ZNF324: variants seen among roughly 807,000 people sequenced by gnomAD.
ZNF324 encodes the protein zinc finger protein 324A.
Under a neutral mutation model 10.3 loss-of-function variants are expected in ZNF324, and 3 were observed. That is an observed-to-expected ratio of 0.29 (90% confidence interval 0.13 to 0.75). The LOEUF (loss-of-function observed/expected upper bound fraction) is 0.75, where lower values mean the gene tolerates loss of function less well. ZNF324 is among the 30% of genes least tolerant of loss of function. ZNF324 has a pLI of 0.69. For synonymous variants in ZNF324, 430 were observed against 339.5 expected (o/e 1.27, Z -2.93); for missense variants, 763 against 784.4 (o/e 0.97, Z 0.33).
At chr19:58,469,049 A>G in intron 1 of ZNF324, 131 bp from the exon 2 acceptor site, 16 of 1,068,836 alleles carry the variant, frequency 1.5e-5, no homozygotes. Context: ...TTAGCTCATC[A>G]GCTGTTATTA....
chr19:58,470,382 GGGGACA>G (rs2053017709), intron 3 of ZNF324: 1 of 413,784 alleles, frequency 2.4e-6, no homozygotes, highest in South Asian at 2.1e-5. Context: ...GCCTGAGAAG[GGGGACA>G]GGGGCGGGGG....
rs758834642 is a variant in ZNF324, at chr19:58,471,852, C to T, written c.1360C>T (p.Arg454Cys). 6 of 1,612,646 alleles carry T rather than the reference C, an allele frequency of 3.7e-6. No individual in the cohort carries two copies. Among genetic ancestry groups the T allele is most frequent in the East Asian group, 2.2e-5 (1 of 44,882 alleles). Reference sequence around the variant, plus strand: ...CCTGCACACGGGCGAGCGGCCCTTCCGCTGCGTGGACTGTGGCAAGGCCTT... The same window carrying T: ...CCTGCACACGGGCGAGCGGCCCTTCTGCTGCGTGGACTGTGGCAAGGCCTT... ...QLLHTGERPF[R>C]CVDCGKAFAK... Residue 454 changes from arginine (R) to cysteine (C), a missense_variant, in exon 4 of 4, where the codon CGC becomes TGC. By Grantham distance (180) the Arg-to-Cys change is radical. Coordinates refer to ENST00000196482, the MANE Select transcript of ZNF324 (RefSeq NM_014347.3).
rs1440695406 is a variant in ZNF324, at chr19:58,474,950, G to C, written c.*2796G>C. 6.6e-6 allele frequency: 1 copy of C among 152,254 alleles called. No individual in the cohort carries two copies. 9.4% of individuals were successfully genotyped at this position (152,254 alleles called of 1,614,324 possible). A position where few individuals can be genotyped will look rare whatever the true frequency, so the allele number is the denominator to read the frequency against. ...CAGAAGGCTGAGAACCAGCAGCCCA[G>C]AGACGGGAGACCTATATCAAAGCTG... On this transcript the variant is annotated 3_prime_UTR_variant, in exon 4 of 4. Coordinates refer to ENST00000196482, the MANE Select transcript of ZNF324 (RefSeq NM_014347.3).
intron 2 of ZNF324, 146 bp from the exon 3 acceptor site, chr19:58,469,582 G>A: frequency 1.3e-6 from 1 of 756,552 alleles, no homozygotes; most frequent in Admixed American, 2.3e-5. Context: ...CTATTCCTGT[G>A]AGCCCCTTGC....
rs2053067302 is a variant in ZNF324 at position 58,474,833 on chromosome 19, G to A, written c.*2679G>A. On this transcript the variant is annotated 3_prime_UTR_variant, in exon 4 of 4. Transcript: ENST00000196482. ...CAATGGCATTCCTAAGCTAGAAGTG[G>A]GTGAGAGCTGTCACTAAGTTAGGGA... is the stretch of plus-strand genomic sequence containing the variant. 6.6e-6 allele frequency: 1 copy of A among 152,292 alleles called. No individual in the cohort carries two copies. Among genetic ancestry groups the A allele is most frequent in the African/African-American group, 2.4e-5 (1 of 41,402 alleles). The allele number at this position is 152,292 out of a possible 1,614,324, so 9.4% of individuals were successfully genotyped here. A position where few individuals can be genotyped will look rare whatever the true frequency, so the allele number is the denominator to read the frequency against.
intron 3 of ZNF324, 104 bp from the exon 4 acceptor site, chr19:58,470,627 G>C (rs1480610215): frequency 2.1e-6 from 3 of 1,452,818 alleles, no homozygotes; most frequent in Admixed American, 1.7e-5. Context: ...TTTCCCCTAA[G>C]CTTTTGTGCC....
At chr19:58,468,316 A>G in intron 1 of ZNF324, 2 of 891,772 alleles carry the variant, frequency 2.2e-6, no homozygotes, top group Non-Finnish European at 2.7e-6. Flanking sequence ...AAAGAAGACC[A>G]GCTGGGATGC....
Position 58,472,063 on chromosome 19 carries a change from C to T in ZNF324, c.1571C>T (p.Ala524Val), listed in dbSNP as rs1484490690. ...CTGCACCCCCAGGCCAGGTCTGTTG[C>T]CGGGGCATCATCAGAAGGTGCGCCA... ...ASLHPQARSVAGASSEGAPAK... is the reference protein window; with the variant it reads ...ASLHPQARSVVGASSEGAPAK... The change falls in exon 4 of 4, where the codon GCC becomes GTC. Residue 524 changes from alanine (A) to valine (V), a missense_variant. By Grantham distance (64) the Ala-to-Val change is moderately conservative. Around this residue, in one of 3 missense-constraint regions of ZNF324, gnomAD observed 231 missense variants for 196.0 expected, o/e 1.18. Coordinates refer to ENST00000196482, the MANE Select transcript of ZNF324 (RefSeq NM_014347.3). The T allele has an allele frequency of 1.9e-6, 3 of 1,604,354 alleles. No homozygotes were observed. The highest frequency in any genetic ancestry group is 3.3e-5 in the Admixed American group (2 of 59,970).
rs561509368 is a variant in ZNF324 at position 58,472,112 on chromosome 19, C to T, written c.1620C>T (p.Pro540=). ...CAGCGAAGGAAACCGAGCCCACTCC[C>T]GCCTCGGGCCCAGCCGCCGTCTCGC... ...GAPAKETEPT[P]ASGPAAVSQP... Residue 540 remains proline, a synonymous_variant, in exon 4 of 4, where the codon CCC becomes CCT. Coordinates refer to ENST00000196482, the MANE Select transcript of ZNF324 (RefSeq NM_014347.3). 5.7e-6 allele frequency: 9 copies of T among 1,592,712 alleles called. No individual in the cohort carries two copies. Among genetic ancestry groups the T allele is most frequent in the Admixed American group, 3.4e-5 (2 of 59,472 alleles).
chr19:58,469,863 TG>T lies in ZNF324; in HGVS notation c.238+23del, dbSNP rs200172492. On this transcript the variant is annotated intron_variant, in intron 3 of 3. Coordinates refer to ENST00000196482, the MANE Select transcript of ZNF324 (RefSeq NM_014347.3). ...AACCCTGGTGAGAGGGAGCTCAGGG[TG>T]GGGTGAATTCAGGACCAACCTGTGG... The T allele has an allele frequency of 0.026, 41,944 of 1,583,076 alleles. 651 individuals are homozygous for T. The highest frequency in any genetic ancestry group is 0.032 in the Non-Finnish European group (36,736 of 1,162,860).
chr19:58,474,629 C>G lies in ZNF324; in HGVS notation c.*2475C>G, dbSNP rs2053065554. On this transcript the variant is annotated 3_prime_UTR_variant, in exon 4 of 4. Coordinates refer to ENST00000196482, the MANE Select transcript of ZNF324 (RefSeq NM_014347.3). Reference sequence around the variant, plus strand: ...CCTCGGCTGACCTCCCTCCAACCTCCCCCTCTGCTCTTAATTTTGAATAGG... The same window carrying G: ...CCTCGGCTGACCTCCCTCCAACCTCGCCCTCTGCTCTTAATTTTGAATAGG... 1 of 152,176 alleles carries G rather than the reference C, an allele frequency of 6.6e-6. No individual in the cohort carries two copies. Among genetic ancestry groups the G allele is most frequent in the Non-Finnish European group, 1.5e-5 (1 of 68,082 alleles). The allele number at this position is 152,176 out of a possible 1,614,324, so 9.4% of individuals were successfully genotyped here. A position where few individuals can be genotyped will look rare whatever the true frequency, so the allele number is the denominator to read the frequency against.
Position 58,471,045 on chromosome 19 carries a change from C to T in ZNF324, c.553C>T (p.Leu185=), listed in dbSNP as rs775585317. ...AAAGACACTCACAGAGCATGCGTTG[C>T]TGGGGAGGCAGCCCAGGACGCCTGA... is the stretch of plus-strand genomic sequence containing the variant. ...REKTLTEHAL[L]GRQPRTPERQ... is the part of the protein sequence containing the mutation. The change falls in exon 4 of 4, where the codon CTG becomes TTG. Residue 185 remains leucine (L), a synonymous_variant. Coordinates refer to ENST00000196482, the MANE Select transcript of ZNF324 (RefSeq NM_014347.3). 2 of 1,613,992 alleles carry T rather than the reference C, an allele frequency of 1.2e-6. No individual in the cohort carries two copies. Among genetic ancestry groups the T allele is most frequent in the South Asian group, 1.1e-5 (1 of 91,086 alleles).
In ZNF324 at chr19:58,472,039, T is replaced by C; in HGVS notation, c.1547T>C (p.Leu516Pro). 2.5e-6 allele frequency: 4 copies of C among 1,606,766 alleles called. No homozygotes were observed. The highest frequency in any genetic ancestry group is 3.4e-6 in the Non-Finnish European group (4 of 1,179,550). Residue 516 changes from leucine (L) to proline (P), a missense_variant, in exon 4 of 4, where the codon CTG becomes CCG. This residue lies in a region of ZNF324 where 231 missense variants were observed against 196.0 expected (regional missense o/e 1.18). Transcript: ENST00000196482. The part of the protein sequence containing the change: ...EKTVRRSRAS[L>P]HPQARSVAGA... ...ACCGTCCGGCGATCCAGGGCCAGCC[T>C]GCACCCCCAGGCCAGGTCTGTTGCC...
rs759050594 is a variant in ZNF324 at position 58,475,043 on chromosome 19, G to A, written c.*2889G>A. 6.6e-6 allele frequency: 1 copy of A among 152,000 alleles called. No individual in the cohort carries two copies. Among genetic ancestry groups the A allele is most frequent in the East Asian group, 1.9e-4 (1 of 5,190 alleles). 9.4% of individuals were successfully genotyped at this position (152,000 alleles called of 1,614,324 possible). A position where few individuals can be genotyped will look rare whatever the true frequency, so the allele number is the denominator to read the frequency against. ...TCTCCCCACATGGTGGAGGGTGAAA[G>A]TTTTTGTTTTTTTTTCCTTCTGGGA... On this transcript the variant is annotated 3_prime_UTR_variant, in exon 4 of 4. Coordinates refer to ENST00000196482, the MANE Select transcript of ZNF324 (RefSeq NM_014347.3).
intron 3 of ZNF324, 159 bp from the exon 4 acceptor site, chr19:58,470,572 C>A: frequency 1.2e-6 from 1 of 862,278 alleles, no homozygotes; most frequent in Non-Finnish European, 1.9e-6. Context: ...GCAGATTGTT[C>A]CTCCAAACCC....
At position 58,472,172 on chromosome 19, in the gene ZNF324, C is replaced by CTG; in HGVS notation, c.*19_*20dup. On this transcript the variant is annotated 3_prime_UTR_variant, in exon 4 of 4. Coordinates refer to ENST00000196482, the MANE Select transcript of ZNF324 (RefSeq NM_014347.3). Reference sequence around the variant, plus strand: ...AGGTCTGAGGTCACAGGTTGCAGCCCTGGCCTTCTGTGAATCCCTTCCACA... The same window carrying CTG: ...AGGTCTGAGGTCACAGGTTGCAGCCCTGTGGCCTTCTGTGAATCCCTTCCACA... The CTG allele has an allele frequency of 1.9e-6, 3 of 1,549,352 alleles. No homozygotes were observed. In the South Asian group the frequency reaches 3.6e-5, roughly 18 times the overall value.
chr19:58,475,039 G>A lies in ZNF324; in HGVS notation c.*2885G>A, dbSNP rs192096801. 3 of 152,178 alleles carry A rather than the reference G, an allele frequency of 2.0e-5. No individual in the cohort carries two copies. Among genetic ancestry groups the A allele is most frequent in the East Asian group, 3.9e-4 (2 of 5,168 alleles). The allele number at this position is 152,178 out of a possible 1,614,324, so 9.4% of individuals were successfully genotyped here. A position where few individuals can be genotyped will look rare whatever the true frequency, so the allele number is the denominator to read the frequency against. ...GTGCTCTCCCCACATGGTGGAGGGT[G>A]AAAGTTTTTGTTTTTTTTTCCTTCT... On this transcript the variant is annotated 3_prime_UTR_variant, in exon 4 of 4. Transcript: ENST00000196482.
At chr19:58,470,148 C>A (rs2053015463) in intron 3 of ZNF324, among the ~76,000 whole-genome samples, 1 of 152,186 alleles carries the variant, frequency 6.6e-6, no homozygotes, top group Admixed American at 6.5e-5. Flanking sequence ...ATTGATGGGT[C>A]ATTTTTTTCA....
intron 2 of ZNF324, 148 bp downstream of exon 2, chr19:58,469,454 C>A (rs2053008863): frequency 1.7e-6 from 2 of 1,169,848 alleles, no homozygotes; most frequent in Non-Finnish European, 1.2e-6. Flanking sequence ...TATAGACATG[C>A]AGTCTGGTTG....
Sources: gnomAD v4.1 joint callset for allele counts (sites outside exome capture counted in the v4.1 genomes callset) on GRCh38, gnomAD v4.1.1 for gene constraint, gnomAD v4.1.1 regional missense constraint, MANE v1.5 for transcripts, NCBI Gene and HGNC (gene_info 2026-07-23, HGNC 2026-07-21) for gene names.